The following USH2A variants were observed in gnomAD, a reference collection of about 807,000 sequenced individuals.
USH2A encodes Usher syndrome 2A (autosomal recessive, mild).
USH2A carries 443 observed loss-of-function variants against 538.9 expected under a neutral mutation model. That is an observed-to-expected ratio of 0.82 (90% CI 0.76 to 0.89). The LOEUF (loss-of-function observed/expected upper bound fraction) is 0.89. Ranked by LOEUF, USH2A falls within the 40% of genes least tolerant of loss-of-function variation. The probability of loss-of-function intolerance (pLI) is 0.00; values close to 1 mark genes in which losing one functional copy is unlikely to be tolerated. For synonymous variants in USH2A, 2,413 were observed against 2,273.5 expected, an observed-to-expected ratio of 1.06 and a Z score of -1.75; for missense variants, 6,633 against 6,324.8, an observed-to-expected ratio of 1.05 and a Z score of -1.65.
intron 67 of USH2A, among the ~76,000 whole-genome samples, chr1:215,643,081 C>T (rs1334774162): frequency 2.6e-5 from 4 of 152,044 alleles, no homozygotes; most frequent in African/African-American, 4.8e-5. Context: ...CTGCAACCTC[C>T]GCCTCCCAGG....
rs573975739 is a variant in USH2A at position 215,997,468 on chromosome 1, G to A, written c.6657+1419C>T. On this transcript the variant is annotated intron_variant, in intron 34 of 71. Transcript: ENST00000307340. ...CTTGAAGAAAATAAAACTCAGTGAG[G>A]TTAAGTGAATTTGCCTTAGGTCACA... Among the ~76,000 whole-genome samples the A allele has an allele frequency of 4.2e-4, 64 of 152,198 alleles. 1 individual carries two copies. The South Asian group carries it at 5.6e-3, about 13-fold the overall frequency.
At chr1:216,263,062 G>A (rs1037053499) in intron 11 of USH2A, among the ~76,000 whole-genome samples, 15 of 151,990 alleles carry the variant, frequency 9.9e-5, no homozygotes, top group Admixed American at 2.6e-4. Context: ...CATACAACTG[G>A]CCAAAATTGA....
At chr1:215,998,185 C>T (rs959563822) in intron 34 of USH2A, among the ~76,000 whole-genome samples, 2 of 151,938 alleles carry the variant, frequency 1.3e-5, no homozygotes, top group Admixed American at 1.3e-4. Context: ...GGGACAATCT[C>T]ATGTTTATAT....
chr1:216,006,419 A>G (rs1416104251), intron 32 of USH2A, among the ~76,000 whole-genome samples: 3 of 152,062 alleles, frequency 2.0e-5, no homozygotes, highest in African/African-American at 7.2e-5. Flanking sequence ...TTACAAAGCC[A>G]TACTCCCTGG....
intron 61 of USH2A, among the ~76,000 whole-genome samples, chr1:215,693,397 T>C (rs1319698813): frequency 6.6e-6 from 1 of 152,132 alleles, no homozygotes; most frequent in Non-Finnish European, 1.5e-5. Context: ...GCTAGGAGAT[T>C]TGTATTGTTA....
At position 216,207,270 on chromosome 1, in the gene USH2A, C is replaced by T. The variant is rs765963162; in HGVS notation, c.3316+3G>A. On this transcript the variant is annotated splice_donor_region_variant and intron_variant, in intron 16 of 71. Transcript: ENST00000307340. ...ATTTCTATTACCAAACCCTTAAACT[C>T]ACTGTATGGGTATTGATCCTCTGTT... The T allele has an allele frequency of 6.2e-7, 1 of 1,613,910 alleles. No homozygotes were observed. The highest frequency in any genetic ancestry group is 1.1e-5 in the South Asian group (1 of 91,076).
At chr1:216,185,199 A>T (rs1339341199) in intron 20 of USH2A, among the ~76,000 whole-genome samples, 3 of 151,930 alleles carry the variant, frequency 2.0e-5, no homozygotes. Context: ...ATGGAGAGAG[A>T]TGCAGCTGCT....
At chr1:216,390,594 C>G (rs561672725) in intron 3 of USH2A, among the ~76,000 whole-genome samples, 6 of 152,236 alleles carry the variant, frequency 3.9e-5, no homozygotes, top group African/African-American at 1.4e-4. Flanking sequence ...TTATAATCAT[C>G]TTAAAAGGCT....
intron 37 of USH2A, among the ~76,000 whole-genome samples, chr1:215,941,083 C>T (rs1252412429): frequency 1.3e-5 from 2 of 151,886 alleles, no homozygotes; most frequent in East Asian, 1.9e-4. Context: ...CTCTATGTAC[C>T]ACAGTCAGAT....
At chr1:216,343,246 T>A (rs907604349) in intron 4 of USH2A, among the ~76,000 whole-genome samples, 9 of 151,916 alleles carry the variant, frequency 5.9e-5, no homozygotes, top group African/African-American at 2.2e-4. Flanking sequence ...ATAATCCTCA[T>A]TATTTTCAAA....
chr1:216,210,870 A>C (rs573427860), intron 15 of USH2A, among the ~76,000 whole-genome samples: 73 of 152,140 alleles, frequency 4.8e-4, no homozygotes, highest in African/African-American at 1.7e-3. Context: ...AATCCCAGCT[A>C]CTCGGCAGGC....
At chr1:216,142,336 G>A (rs2033618774) in intron 21 of USH2A, among the ~76,000 whole-genome samples, 1 of 152,188 alleles carries the variant, frequency 6.6e-6, no homozygotes, top group South Asian at 2.1e-4. Context: ...ACAATTGTGA[G>A]TAGTGAGAGA....
chr1:216,314,552 G>A (rs1177923975), intron 9 of USH2A, among the ~76,000 whole-genome samples: 4 of 152,030 alleles, frequency 2.6e-5, no homozygotes, highest in Non-Finnish European at 5.9e-5. Flanking sequence ...AATTAGTCAT[G>A]ATGATTCATA....
intron 10 of USH2A, among the ~76,000 whole-genome samples, chr1:216,291,719 T>C (rs1558368356): frequency 6.6e-6 from 1 of 152,182 alleles, no homozygotes; most frequent in Non-Finnish European, 1.5e-5. Flanking sequence ...ATTTAATTAG[T>C]ATTTTCAAAA....
chr1:216,398,555 T>TACACACAAAC (rs144559223), intron 3 of USH2A, among the ~76,000 whole-genome samples: 2 of 127,684 alleles, frequency 1.6e-5, no homozygotes, highest in African/African-American at 2.6e-5. Context: ...AGCACACCCA[T>TACACACAAAC]ACACACACAC....
chr1:215,792,234 G>A (rs1049293792), intron 50 of USH2A, among the ~76,000 whole-genome samples: 1 of 152,046 alleles, frequency 6.6e-6, no homozygotes, highest in Non-Finnish European at 1.5e-5. Flanking sequence ...CTTCTGACAG[G>A]TCAACTAAAA....
At chr1:215,825,654 C>CT (rs67106351) in intron 47 of USH2A, among the ~76,000 whole-genome samples, 5,193 of 152,162 alleles carry the variant, frequency 0.034, 98 homozygotes, top group African/African-American at 0.05. Context: ...TTTACACAGG[C>CT]TTTTTTTCTA....
At chr1:215,807,037 T>C (rs543084237) in intron 49 of USH2A, among the ~76,000 whole-genome samples, 1 of 152,184 alleles carries the variant, frequency 6.6e-6, no homozygotes, top group Non-Finnish European at 1.5e-5. Context: ...CCCTGGAACC[T>C]GTGACTATGT....
chr1:216,253,016 T>C (rs185353323), intron 11 of USH2A, among the ~76,000 whole-genome samples: 3 of 152,298 alleles, frequency 2.0e-5, no homozygotes, highest in African/African-American at 7.2e-5. Context: ...ATTGGACATA[T>C]GTGATGTTTC....
Sources: allele counts gnomAD v4.1 joint callset (sites outside exome capture counted in the v4.1 genomes callset), GRCh38; gene constraint gnomAD v4.1.1; transcripts MANE v1.5; gene names NCBI Gene and HGNC (gene_info 2026-07-23, HGNC 2026-07-21).